The following SRGAP3 variants were observed in gnomAD, a reference collection of about 807,000 sequenced individuals.
SRGAP3 encodes SLIT-ROBO Rho GTPase-activating protein 3.
In SRGAP3, 39 loss-of-function variants were observed where a neutral mutation model predicts 121.1. The observed-to-expected ratio is 0.32, with a 90% confidence interval of 0.25 to 0.42. SRGAP3 has a LOEUF of 0.42. Ranked by LOEUF, SRGAP3 falls within the 10% of genes least tolerant of loss-of-function variation. The probability of loss-of-function intolerance (pLI) is 1.00; values close to 1 mark genes in which losing one functional copy is unlikely to be tolerated. For missense variants in SRGAP3, 1,213 were observed against 1,470.6 expected (o/e 0.82, Z 2.86); for synonymous variants, 601 against 570.0 (o/e 1.05, Z -0.77).
intron 1 of SRGAP3, among the ~76,000 whole-genome samples, chr3:9,202,584 C>G (rs1484353132): frequency 6.6e-6 from 1 of 152,226 alleles, no homozygotes; most frequent in African/African-American, 2.4e-5. Context: ...AGGCACAGAC[C>G]TCCACATGGA....
chr3:9,045,881 A>C (rs1945247147), intron 10 of SRGAP3, among the ~76,000 whole-genome samples: 1 of 151,810 alleles, frequency 6.6e-6, no homozygotes, highest in African/African-American at 2.4e-5. Context: ...TATAAATACC[A>C]ACCCTCCTCT....
At chr3:9,220,897 C>T (rs923238735) in intron 1 of SRGAP3, among the ~76,000 whole-genome samples, 1 of 152,200 alleles carries the variant, frequency 6.6e-6, no homozygotes, top group Non-Finnish European at 1.5e-5. Context: ...GCAACTCCAT[C>T]CACATTGCTA....
chr3:9,202,643 A>T (rs1952107828), intron 1 of SRGAP3, among the ~76,000 whole-genome samples: 1 of 150,744 alleles, frequency 6.6e-6, no homozygotes, highest in Non-Finnish European at 1.5e-5. Context: ...TTCCTGCCCC[A>T]TCTCTGCTCA....
At chr3:9,072,063 G>A (rs960853968) in intron 4 of SRGAP3, among the ~76,000 whole-genome samples, 1 of 152,102 alleles carries the variant, frequency 6.6e-6, no homozygotes, top group African/African-American at 2.4e-5. Flanking sequence ...TAAACAAATT[G>A]CAAAAGGCAG....
At chr3:9,281,522 T>C (rs1228611633) in intron 3 of SRGAP3, among the ~76,000 whole-genome samples, 3 of 151,654 alleles carry the variant, frequency 2.0e-5, no homozygotes, top group Admixed American at 6.6e-5. Flanking sequence ...GGGTTTATTT[T>C]GGACCTAGAT....
chr3:8,990,306 A>G (rs1386481615), intron 21 of SRGAP3, among the ~76,000 whole-genome samples: 2 of 152,186 alleles, frequency 1.3e-5, no homozygotes, highest in Non-Finnish European at 1.5e-5. Context: ...TTCAGCCTCT[A>G]TCGGAACCCT....
At chr3:9,172,753 A>C (rs902013312) in intron 1 of SRGAP3, among the ~76,000 whole-genome samples, 2 of 152,212 alleles carry the variant, frequency 1.3e-5, no homozygotes, top group Non-Finnish European at 1.5e-5. Flanking sequence ...TCAAAACGAC[A>C]AAGTGCACAG....
intron 3 of SRGAP3, among the ~76,000 whole-genome samples, chr3:9,088,257 G>A (rs1560117671): frequency 6.6e-6 from 1 of 152,164 alleles, no homozygotes; most frequent in African/African-American, 2.4e-5. Context: ...GGGAGTGTGT[G>A]GACAGTGGAA....
chr3:9,133,015 A>G (rs406745), intron 1 of SRGAP3, among the ~76,000 whole-genome samples: 35,414 of 148,870 alleles, frequency 0.24, 5,235 homozygotes, highest in East Asian at 0.49. Flanking sequence ...TATATGTTAT[A>G]TAGATCATAT....
At chr3:9,334,876 C>A (rs1486728312) in intron 1 of SRGAP3, among the ~76,000 whole-genome samples, 1 of 152,110 alleles carries the variant, frequency 6.6e-6, no homozygotes, top group South Asian at 2.1e-4. Context: ...GATTTAATAC[C>A]AGCTGACCAT....
chr3:9,153,965 TC>T (rs909143509), intron 1 of SRGAP3, among the ~76,000 whole-genome samples: 7 of 151,490 alleles, frequency 4.6e-5, no homozygotes, highest in African/African-American at 1.7e-4. Context: ...CGATCCAGCT[TC>T]CCCCCACCAC....
In SRGAP3 at chr3:9,210,046, C is replaced by CA. The variant is rs60653062; in HGVS notation, c.67+38838dup. Among the ~76,000 whole-genome samples the CA allele has an allele frequency of 4.0e-3, 596 of 147,192 alleles. 2 individuals carry two copies. The highest frequency in any genetic ancestry group is 0.011 in the African/African-American group (447 of 40,492). The stretch of plus-strand genomic sequence containing the variant: ...TGCTTATTAAAAGAAGCTAGACACA[C>CA]AAAAAAAAAAAACAGACGTTGTGTG... On this transcript the variant is annotated intron_variant, in intron 1 of 21. Coordinates refer to ENST00000383836, the MANE Select transcript of SRGAP3 (RefSeq NM_014850.4).
chr3:9,249,060 GT>G lies in SRGAP3; in HGVS notation c.-110del. 1 of 1,062,284 alleles carries G rather than the reference GT, an allele frequency of 9.4e-7. No homozygotes were observed. Among genetic ancestry groups the G allele is most frequent in the Non-Finnish European group, 1.5e-6 (1 of 688,624 alleles). 65.8% of individuals were successfully genotyped at this position (1,062,284 alleles called of 1,614,324 possible). On this transcript the variant is annotated 5_prime_UTR_variant, in exon 1 of 22. Coordinates refer to ENST00000383836, the MANE Select transcript of SRGAP3 (RefSeq NM_014850.4). ...CACACAGCTCTGGTCGATTTCACAG[GT>G]TTAGGGACTAATCTCTTTCACTTGG...
At chr3:9,335,488 T>A (rs6783571) in intron 1 of SRGAP3, among the ~76,000 whole-genome samples, 1,900 of 152,328 alleles carry the variant, frequency 0.012, 43 homozygotes, top group African/African-American at 0.042. Context: ...AGCTGGTCCT[T>A]ACTTTTCTGT....
At chr3:9,026,822 G>C in intron 13 of SRGAP3, 113 bp downstream of exon 13, 1 of 1,195,406 alleles carries the variant, frequency 8.4e-7, no homozygotes. Context: ...CCCCTCCAAA[G>C]CAGAGCTGTG....
At chr3:9,066,228 G>T (rs1329918799) in intron 4 of SRGAP3, among the ~76,000 whole-genome samples, 1 of 152,156 alleles carries the variant, frequency 6.6e-6, no homozygotes, top group Non-Finnish European at 1.5e-5. Context: ...CTTTTCTTCT[G>T]CAATGCCAAG....
intron 9 of SRGAP3, among the ~76,000 whole-genome samples, chr3:9,047,718 G>A (rs571773608): frequency 2.0e-5 from 3 of 152,332 alleles, no homozygotes; most frequent in African/African-American, 7.2e-5. Flanking sequence ...TCGGGGGTTA[G>A]GAACACAAAG....
At chr3:9,276,580 C>G (rs182055622) in intron 3 of SRGAP3, among the ~76,000 whole-genome samples, 2 of 152,246 alleles carry the variant, frequency 1.3e-5, no homozygotes, top group Non-Finnish European at 2.9e-5. Context: ...CACACACCAC[C>G]ACACCTGGCT....
intron 3 of SRGAP3, among the ~76,000 whole-genome samples, chr3:9,291,367 C>A (rs1954865999): frequency 6.6e-6 from 1 of 152,188 alleles, no homozygotes; most frequent in South Asian, 2.1e-4. Flanking sequence ...ATCACAAAAT[C>A]CTGGCACAAC....
Sources: allele counts gnomAD v4.1 joint callset (sites outside exome capture counted in the v4.1 genomes callset), GRCh38; gene constraint gnomAD v4.1.1; transcripts MANE v1.5; gene names NCBI Gene and HGNC (gene_info 2026-07-23, HGNC 2026-07-21).